Variants in LRRC9 observed in about 807,000 individuals in gnomAD.
LRRC9 encodes the protein leucine-rich repeat-containing protein 9.
In LRRC9, 122 loss-of-function variants were observed where a neutral mutation model predicts 63.2. The ratio of observed to expected loss-of-function variants is 1.93; its 90% CI spans 1.67 to 2.24. The LOEUF is 2.24. Among genes scored for constraint, LRRC9 ranks in the 30% most tolerant of loss-of-function variants. The pLI, the probability that LRRC9 is intolerant of heterozygous loss-of-function variation, is 0.00. For synonymous variants in LRRC9, 366 were observed against 213.1 expected (o/e 1.72, Z -6.25); for missense variants, 1,071 against 627.7 (o/e 1.71, Z -7.55).
At chr14:59,953,288 GTTC>G (rs1022152214) in intron 8 of LRRC9, among the ~76,000 whole-genome samples, 5 of 152,156 alleles carry the variant, frequency 3.3e-5, no homozygotes, top group Admixed American at 6.5e-5. Context: ...GTGTAAAACT[GTTC>G]TTATTTCTCC....
chr14:59,939,363 G>A (rs575774986), intron 7 of LRRC9, among the ~76,000 whole-genome samples: 1 of 152,068 alleles, frequency 6.6e-6, no homozygotes, highest in Middle Eastern at 3.4e-3. Flanking sequence ...GTAGACTGTT[G>A]TAAGGACTTT....
chr14:60,001,335 G>T (rs1176224484), intron 19 of LRRC9, among the ~76,000 whole-genome samples: 1 of 151,972 alleles, frequency 6.6e-6, no homozygotes, highest in Non-Finnish European at 1.5e-5. Flanking sequence ...AGCAAAAACT[G>T]AATCAACCCC....
intron 8 of LRRC9, among the ~76,000 whole-genome samples, chr14:59,946,118 T>A (rs1475351665): frequency 6.6e-6 from 1 of 151,376 alleles, no homozygotes; most frequent in Non-Finnish European, 1.5e-5. Context: ...CTATTAATAA[T>A]TAAAAAATTG....
At chr14:60,013,316 G>T (rs1003875284) in intron 23 of LRRC9, among the ~76,000 whole-genome samples, 2 of 152,130 alleles carry the variant, frequency 1.3e-5, no homozygotes, top group Admixed American at 1.3e-4. Flanking sequence ...AGGAAGGGAA[G>T]ATTATGGACA....
At chr14:59,948,488 A>T (rs1217868361) in intron 8 of LRRC9, among the ~76,000 whole-genome samples, 1 of 124,496 alleles carries the variant, frequency 8.0e-6, no homozygotes, top group Non-Finnish European at 1.6e-5. Flanking sequence ...TTCCTAATTG[A>T]ATACCCTTTA....
At chr14:59,924,063 T>C (rs185413921) in intron 1 of LRRC9, among the ~76,000 whole-genome samples, 4 of 152,336 alleles carry the variant, frequency 2.6e-5, no homozygotes, top group African/African-American at 7.2e-5. Context: ...ATTTAGAATA[T>C]AACAAAGAGA....
intron 29 of LRRC9, among the ~76,000 whole-genome samples, chr14:60,045,241 CTTCT>C (rs1210053145): frequency 1.1e-4 from 16 of 151,652 alleles, no homozygotes; most frequent in South Asian, 8.3e-4. Flanking sequence ...ATAGTTGGGT[CTTCT>C]TTCTTTCTTT....
intron 29 of LRRC9, among the ~76,000 whole-genome samples, chr14:60,034,469 C>A (rs1487409833): frequency 6.6e-6 from 1 of 151,778 alleles, no homozygotes; most frequent in Non-Finnish European, 1.5e-5. Flanking sequence ...TATTTATATT[C>A]TTTATTATTC....
chr14:60,029,161 T>C (rs1891790282), intron 28 of LRRC9, among the ~76,000 whole-genome samples: 1 of 152,144 alleles, frequency 6.6e-6, no homozygotes, highest in Admixed American at 6.6e-5. Context: ...TATGGAGATC[T>C]TTCCAGTGAC....
At chr14:60,022,749 T>C (rs1891211903) in exon 27 of LRRC9, 2 of 650,712 alleles carry the variant, frequency 3.1e-6, no homozygotes, top group South Asian at 1.8e-5. Flanking sequence ...TAATGAGCAG[T>C]GAAAATTTGC....
chr14:59,978,521 C>A (rs1232795439), intron 15 of LRRC9, among the ~76,000 whole-genome samples: 1 of 152,132 alleles, frequency 6.6e-6, no homozygotes, highest in Admixed American at 6.5e-5. Flanking sequence ...TATATAATAA[C>A]AGATACCATT....
rs1888822774 is a variant in LRRC9, at chr14:59,922,003, G to C, written c.-34+2120G>C. 6.6e-6 allele frequency among the ~76,000 whole-genome samples: 1 copy of C among 151,810 alleles called. No homozygotes were observed. Among genetic ancestry groups the C allele is most frequent in the South Asian group, 2.1e-4 (1 of 4,822 alleles). ...GGAGGCTGAGGCAGAAGAATTACTT[G>C]AACCTGGGAGGCAGAGGTTGGAGTG... is the stretch of plus-strand genomic sequence containing the variant. On this transcript the variant is annotated intron_variant, in intron 1 of 31. Transcript: ENST00000445360. This position sits in a 1 kb window ranked among gnomAD's most constrained non-coding sequence, Gnocchi z 5.3.
chr14:59,933,938 T>C (rs941999674), intron 6 of LRRC9, among the ~76,000 whole-genome samples: 3 of 152,180 alleles, frequency 2.0e-5, no homozygotes, highest in African/African-American at 4.8e-5. Context: ...GTCTCGAATA[T>C]AGACTGTATT....
chr14:59,949,236 G>C (rs1336655787), intron 8 of LRRC9, among the ~76,000 whole-genome samples: 1 of 152,050 alleles, frequency 6.6e-6, no homozygotes, highest in African/African-American at 2.4e-5. Flanking sequence ...GTTTAGTCTT[G>C]AGAGAGTGTA....
In LRRC9 at chr14:60,016,724, CA is replaced by C. The variant is rs1379468430; in HGVS notation, c.3252del (p.Glu1085AsnfsTer14). The C allele has an allele frequency of 1.1e-5, 8 of 701,068 alleles. No homozygotes were observed. Among genetic ancestry groups the C allele is most frequent in the Non-Finnish European group, 2.1e-5 (8 of 383,592 alleles). The allele number at this position is 701,068 out of a possible 1,614,324, so 43.4% of individuals were successfully genotyped here. A position where few individuals can be genotyped will look rare whatever the true frequency, so the allele number is the denominator to read the frequency against. Reference sequence around the variant, plus strand: ...GGTAGACTTACTTCTGACATGATTGCAGAACGACAAGGACATTCCAACTTCA... The same window carrying C: ...GGTAGACTTACTTCTGACATGATTGCGAACGACAAGGACATTCCAACTTCA... On this transcript the variant is annotated frameshift_variant, in exon 24 of 32. Transcript: ENST00000445360. LOFTEE classifies it high-confidence loss of function.
intron 17 of LRRC9, among the ~76,000 whole-genome samples, chr14:59,989,520 C>T (rs1233040116): frequency 2.6e-5 from 4 of 152,012 alleles, no homozygotes; most frequent in African/African-American, 7.2e-5. Context: ...CGTTTTAAAA[C>T]ACTTTTTTCG....
chr14:59,923,008 T>C lies in LRRC9; in HGVS notation c.-34+3125T>C, dbSNP rs1888911541. 6.6e-6 allele frequency among the ~76,000 whole-genome samples: 1 copy of C among 152,122 alleles called. No individual in the cohort carries two copies. Among genetic ancestry groups the C allele is most frequent in the African/African-American group, 2.4e-5 (1 of 41,426 alleles). The stretch of plus-strand genomic sequence containing the variant: ...ATAGAAGTTCCTGGTGGCTTCTGGT[T>C]TTGTGGGGGAACTAGAGATGACCTT... On this transcript the variant is annotated intron_variant, in intron 1 of 31. Transcript: ENST00000445360. The surrounding 1 kb of genome is among the most constrained non-coding windows in gnomAD (Gnocchi z 4.2).
chr14:59,958,218 A>AT lies in LRRC9; in HGVS notation c.883-1598dup, dbSNP rs1418306866. 6.6e-6 allele frequency among the ~76,000 whole-genome samples: 1 copy of AT among 152,194 alleles called. No individual in the cohort carries two copies. Among genetic ancestry groups the AT allele is most frequent in the Non-Finnish European group, 1.5e-5 (1 of 68,022 alleles). On this transcript the variant is annotated intron_variant, in intron 8 of 31. Coordinates refer to ENST00000445360, the Ensembl canonical transcript of LRRC9. This position sits in a 1 kb window ranked among gnomAD's most constrained non-coding sequence, Gnocchi z 4.0. ...TCTTCAGAGCTGGCAGGCAGGAACGATTAAATCTGCTGCAGCTGTGCCCAC... is the reference window on the plus strand; with the variant it reads ...TCTTCAGAGCTGGCAGGCAGGAACGATTTAAATCTGCTGCAGCTGTGCCCAC...
At position 59,930,433 on chromosome 14, in the gene LRRC9, TC is replaced by T. The variant is rs200557701; in HGVS notation, c.268-484del. On this transcript the variant is annotated intron_variant, in intron 3 of 31. Transcript: ENST00000445360. This position sits in a 1 kb window ranked among gnomAD's most constrained non-coding sequence, Gnocchi z 4.9. ...ATTTGAAACATAAATATGCCATACATCAGGTAATTTTTCAGAAAATTATTAT... is the reference window on the plus strand; with the variant it reads ...ATTTGAAACATAAATATGCCATACATAGGTAATTTTTCAGAAAATTATTAT... Among the ~76,000 whole-genome samples the T allele has an allele frequency of 7.8e-3, 1,181 of 152,088 alleles. 8 individuals are homozygous for T. Among genetic ancestry groups the T allele is most frequent in the Non-Finnish European group, 0.014 (941 of 67,900 alleles).
Sources: allele counts gnomAD v4.1 joint callset (sites outside exome capture counted in the v4.1 genomes callset), GRCh38; gene constraint gnomAD v4.1.1; non-coding constraint Gnocchi (gnomAD v3.1); transcripts MANE v1.5; gene names NCBI Gene and HGNC (gene_info 2026-07-23, HGNC 2026-07-21).